The following CCDC125 variants were observed in gnomAD, a reference collection of about 807,000 sequenced individuals.
CCDC125 encodes the protein coiled-coil domain containing 125.
In CCDC125, 43 loss-of-function variants were observed where a neutral mutation model predicts 57.4. That is an observed-to-expected ratio of 0.75 (90% CI 0.59 to 0.97). The LOEUF (loss-of-function observed/expected upper bound fraction) is 0.97. CCDC125 is among the 50% of genes least tolerant of loss of function. The pLI is 0.00. For missense variants in CCDC125, 563 were observed against 595.7 expected, an observed-to-expected ratio of 0.95 and a Z score of 0.57; for synonymous variants, 187 against 195.2, an observed-to-expected ratio of 0.96 and a Z score of 0.35.
At position 69,297,548 on chromosome 5, in the gene CCDC125, G is replaced by C. The variant is rs143028131; in HGVS notation, c.816+2464C>G. Among the ~76,000 whole-genome samples the C allele has an allele frequency of 7.8e-3, 1,189 of 151,712 alleles. 13 individuals carry two copies. Among genetic ancestry groups the C allele is most frequent in the Non-Finnish European group, 0.012 (799 of 67,906 alleles). ...CTAATTTTGTATTTTAGTGGAGACAGGGTTTCTCCGTGTTGGTCAGGCTGG... is the reference window on the plus strand; with the variant it reads ...CTAATTTTGTATTTTAGTGGAGACACGGTTTCTCCGTGTTGGTCAGGCTGG... On this transcript the variant is annotated intron_variant, in intron 8 of 11. Coordinates refer to ENST00000396496, the MANE Select transcript of CCDC125 (RefSeq NM_176816.5).
chr5:69,297,831 T>G (rs193150670), intron 8 of CCDC125, among the ~76,000 whole-genome samples: 1 of 150,496 alleles, frequency 6.6e-6, no homozygotes, highest in Admixed American at 6.6e-5. Flanking sequence ...CTGGGTATGA[T>G]AATGGTGTGC....
chr5:69,303,521 T>C (rs772814107), intron 7 of CCDC125, among the ~76,000 whole-genome samples: 1 of 151,718 alleles, frequency 6.6e-6, no homozygotes, highest in Non-Finnish European at 1.5e-5. Context: ...CGCACCACCA[T>C]GTCTCGCTAA....
At chr5:69,307,875 T>C in intron 5 of CCDC125, 76 bp downstream of exon 5, 1 of 1,083,852 alleles carries the variant, frequency 9.2e-7, no homozygotes, top group Non-Finnish European at 1.4e-6. Context: ...ACAGATCCAT[T>C]AGTATGGTGA....
intron 8 of CCDC125, among the ~76,000 whole-genome samples, chr5:69,297,847 T>C (rs1170979838): frequency 6.6e-6 from 1 of 150,682 alleles, no homozygotes; most frequent in African/African-American, 2.4e-5. Flanking sequence ...TGTGCACCCG[T>C]AGTCCCAGGT....
intron 6 of CCDC125, among the ~76,000 whole-genome samples, chr5:69,306,079 C>T: frequency 6.6e-6 from 1 of 151,396 alleles, no homozygotes; most frequent in Non-Finnish European, 1.5e-5. Context: ...CCATCTTAAC[C>T]ATCTTATTTT....
intron 7 of CCDC125, among the ~76,000 whole-genome samples, chr5:69,303,346 G>A (rs1461984133): frequency 6.7e-6 from 1 of 148,798 alleles, no homozygotes; most frequent in African/African-American, 2.5e-5. Context: ...CACTGTGCCT[G>A]GCAAGAATTG....
rs1323806808 is a variant in CCDC125, at chr5:69,282,790, A to C, written c.1475T>G (p.Ile492Arg). 2 of 1,613,938 alleles carry C rather than the reference A, an allele frequency of 1.2e-6. No individual in the cohort carries two copies. Among genetic ancestry groups the C allele is most frequent in the South Asian group, 2.2e-5 (2 of 90,976 alleles). Residue 492 changes from isoleucine (I) to arginine (R), a missense_variant, in exon 12 of 12, where the codon ATA (isoleucine) becomes AGA (arginine). By Grantham distance (97) the Ile-to-Arg change is moderately conservative (BLOSUM62 -3). Transcript: ENST00000396496. ...GCICSIQHSQ[I>R]DPNYRTLKRS... The stretch of plus-strand genomic sequence containing the variant: ...TTTAAGAGTTCTATAGTTTGGATCT[A>C]TTTGAGAGTGCTGGATTGAACAAAT...
At chr5:69,277,120 G>A, downstream of CCDC125, 1 of 1,596,872 alleles carries the variant, frequency 6.3e-7, no homozygotes, top group South Asian at 1.2e-5. Context: ...GATTGCCCAA[G>A]AAACTAATTT....
intron 1 of CCDC125, among the ~76,000 whole-genome samples, chr5:69,327,821 G>A (rs1760924260): frequency 6.6e-6 from 1 of 152,092 alleles, no homozygotes; most frequent in African/African-American, 2.4e-5. Context: ...TAGATTTTTG[G>A]TTCTTCAGAG....
At chr5:69,306,321 T>C (rs1757322252) in intron 6 of CCDC125, among the ~76,000 whole-genome samples, 1 of 152,120 alleles carries the variant, frequency 6.6e-6, no homozygotes, top group African/African-American at 2.4e-5. Context: ...ATTTTGGTTT[T>C]TGTTTTTTTG....
intron 2 of CCDC125, among the ~76,000 whole-genome samples, chr5:69,315,450 C>A (rs28394325): frequency 0.18 from 864 of 4,784 alleles, 135 homozygotes; most frequent in Middle Eastern, 0.6. Flanking sequence ...AAAAAAAAAA[C>A]AAAAAAAAAA....
chr5:69,277,976 T>G (rs576075086), downstream of CCDC125, among the ~76,000 whole-genome samples: 1 of 152,174 alleles, frequency 6.6e-6, no homozygotes, highest in South Asian at 2.1e-4. Context: ...AACTCTGCCT[T>G]CAAGTGATTC....
Position 69,320,434 on chromosome 5 carries a change from G to A in CCDC125, c.107C>T (p.Pro36Leu), listed in dbSNP as rs1759848614. 3 of 1,613,762 alleles carry A rather than the reference G, an allele frequency of 1.9e-6. No individual in the cohort carries two copies. The highest frequency in any genetic ancestry group is 3.3e-5 in the Admixed American group (2 of 59,950). The change falls in exon 2 of 12, where the codon CCT (proline) becomes CTT (leucine). Residue 36 changes from proline to leucine, a missense_variant. Transcript: ENST00000396496. ...AAATTCTATTTCATAAATCCCACCA[G>A]GTTTCCTTCCGAGGCCATACCCTAA... ...GDLGYGLGRKPGGIYEIEFSH... is the reference protein window; with the variant it reads ...GDLGYGLGRKLGGIYEIEFSH...
intron 9 of CCDC125, among the ~76,000 whole-genome samples, chr5:69,294,371 A>C (rs1265943030): frequency 1.3e-5 from 2 of 151,340 alleles, no homozygotes; most frequent in Non-Finnish European, 2.9e-5. Flanking sequence ...GCAGTGGTGT[A>C]ATCTCGGCTC....
chr5:69,275,817 A>G (rs566370467), downstream of CCDC125, among the ~76,000 whole-genome samples: 60 of 152,272 alleles, frequency 3.9e-4, no homozygotes, highest in Non-Finnish European at 7.8e-4. Context: ...TCCACAAAAA[A>G]TAAGTGTAAA....
In CCDC125 at chr5:69,301,085, C is replaced by A. The variant is rs557503827; in HGVS notation, c.701-958G>T. ...CTCTAGCCTGGGCGACAGAGCAAGA[C>A]TCCCTCTCAAAAAAAAAAAAAAAAA... On this transcript the variant is annotated intron_variant, in intron 7 of 11. Transcript: ENST00000396496. Among the ~76,000 whole-genome samples, 13 of 123,640 alleles carry A rather than the reference C, an allele frequency of 1.1e-4. No homozygotes were observed. The East Asian group carries it at 3.2e-3, about 30-fold the overall frequency. 81.1% of individuals were successfully genotyped at this position (123,640 alleles called of 152,430 possible). A position where few individuals can be genotyped will look rare whatever the true frequency, so the allele number is the denominator to read the frequency against.
At chr5:69,311,232 C>T in intron 3 of CCDC125, 28 bp from the exon 4 acceptor site, 1 of 1,396,730 alleles carries the variant, frequency 7.2e-7, no homozygotes, top group Admixed American at 1.8e-5. Flanking sequence ...ATTAGTCTTC[C>T]TATCTGCAAG....
chr5:69,298,021 G>GTT (rs200950089), intron 8 of CCDC125, among the ~76,000 whole-genome samples: 139 of 143,970 alleles, frequency 9.7e-4, no homozygotes, highest in Middle Eastern at 7.0e-3. Context: ...TAAAAATAAA[G>GTT]TTTTTTTTTT....
intron 10 of CCDC125, among the ~76,000 whole-genome samples, chr5:69,286,287 A>G (rs1318556883): frequency 4.4e-5 from 6 of 135,162 alleles, no homozygotes; most frequent in Non-Finnish European, 9.3e-5. Context: ...GCTGGAGTGC[A>G]GTGGCGCAAT....
Sources: gnomAD v4.1 joint callset for allele counts (sites outside exome capture counted in the v4.1 genomes callset) on GRCh38, gnomAD v4.1.1 for gene constraint, MANE v1.5 for transcripts, NCBI Gene and HGNC (gene_info 2026-07-23, HGNC 2026-07-21) for gene names.